The following GLIS1 variants were observed in gnomAD, a reference collection of about 807,000 sequenced individuals.
GLIS1 encodes zinc finger protein GLIS1.
A neutral mutation model predicts 63.8 loss-of-function variants in GLIS1; 24 were observed. The observed-to-expected ratio is 0.38, with a 90% CI of 0.27 to 0.53. The LOEUF (loss-of-function observed/expected upper bound fraction) is 0.53. Ranked by LOEUF, GLIS1 falls within the 20% of genes least tolerant of loss-of-function variation. The pLI, the probability that GLIS1 is intolerant of heterozygous loss-of-function variation, is 0.85. For synonymous variants in GLIS1, 450 were observed against 482.5 expected (o/e 0.93, Z 0.88); for missense variants, 1,036 against 1,074.1 (o/e 0.96, Z 0.50).
rs368400422 is a variant in GLIS1, at chr1:53,520,401, G to A, written c.1726+233C>T. On this transcript the variant is annotated intron_variant, in intron 7 of 10. Transcript: ENST00000628545. ...GTGAGGGCTTCATGCCCTGAGCAAT[G>A]GGGAGCCACAGAATAATGTGAAGGA... is the stretch of plus-strand genomic sequence containing the variant. Among the ~76,000 whole-genome samples the A allele has an allele frequency of 4.6e-5, 7 of 152,370 alleles. No homozygotes were observed. The South Asian group carries it at 1.4e-3, about 32-fold the overall frequency.
chr1:53,512,579 CAG>C (rs1264301593), intron 8 of GLIS1, among the ~76,000 whole-genome samples: 1 of 152,148 alleles, frequency 6.6e-6, no homozygotes, highest in African/African-American at 2.4e-5. Context: ...ACTCTCTTCT[CAG>C]GGGATGAAAA....
At chr1:53,695,618 T>C (rs1646457392) in intron 2 of GLIS1, among the ~76,000 whole-genome samples, 1 of 152,074 alleles carries the variant, frequency 6.6e-6, no homozygotes, top group Admixed American at 6.5e-5. Context: ...CCACCCTGTG[T>C]CCTGGGAGGC....
chr1:53,583,777 G>T (rs1232237094), intron 4 of GLIS1, among the ~76,000 whole-genome samples: 1 of 152,228 alleles, frequency 6.6e-6, no homozygotes, highest in East Asian at 1.9e-4. Flanking sequence ...ATCACTTACA[G>T]ACCACGGAGG....
chr1:53,594,322 C>G lies in GLIS1; in HGVS notation c.1106G>C (p.Arg369Pro). 1 of 1,611,806 alleles carries G rather than the reference C, an allele frequency of 6.2e-7. No homozygotes were observed. Among genetic ancestry groups the G allele is most frequent in the African/African-American group, 1.3e-5 (1 of 75,052 alleles). The stretch of plus-strand genomic sequence containing the variant: ...GCAGTCCACCCAGCGGCACGCCTGC[C>G]GCCCGGCCACCACCCTGCCTGCCAG... The part of the protein sequence containing the change: ...LGLAGRVVAG[R>P]QACRWVDCCA... The change falls in exon 4 of 11, where the codon CGG becomes CCG. Residue 369 changes from arginine (R) to proline (P), a missense_variant. Coordinates refer to ENST00000628545, the MANE Select transcript of GLIS1 (RefSeq NM_001367484.1).
chr1:53,664,913 G>A (rs1374836262), intron 2 of GLIS1, among the ~76,000 whole-genome samples: 2 of 152,176 alleles, frequency 1.3e-5, no homozygotes, highest in Non-Finnish European at 2.9e-5. Context: ...AGCACAGATG[G>A]TGTGTGAGGG....
At chr1:53,651,210 C>T (rs146884441) in intron 2 of GLIS1, among the ~76,000 whole-genome samples, 1,573 of 152,258 alleles carry the variant, frequency 0.01, 21 homozygotes, top group African/African-American at 0.036. Context: ...GTGGAGAGCC[C>T]GTAACTGGAG....
intron 4 of GLIS1, among the ~76,000 whole-genome samples, chr1:53,545,939 C>T (rs1256818373): frequency 1.3e-5 from 2 of 152,210 alleles, no homozygotes; most frequent in East Asian, 3.9e-4. Flanking sequence ...AAGGGCTTTC[C>T]TCTGGACTCA....
intron 2 of GLIS1, among the ~76,000 whole-genome samples, chr1:53,723,132 C>CA (rs915624261): frequency 1.4e-5 from 2 of 142,650 alleles, no homozygotes; most frequent in African/African-American, 5.2e-5. Context: ...GACTCTGTCT[C>CA]AAAAAAAATA....
At chr1:53,568,898 G>T (rs1203134722) in intron 4 of GLIS1, among the ~76,000 whole-genome samples, 2 of 152,176 alleles carry the variant, frequency 1.3e-5, no homozygotes, top group Non-Finnish European at 2.9e-5. Context: ...TTATAGCAGT[G>T]TGAGAACAGA....
Position 53,687,413 on chromosome 1 carries a change from A to T in GLIS1, c.259+50393T>A, listed in dbSNP as rs536484287. ...TACTCCCAGTCATTCCAAGGACAAC[A>T]TCTATCACCCGGTCCAACCAGCCCG... On this transcript the variant is annotated intron_variant, in intron 2 of 10. Transcript: ENST00000628545. 2.0e-5 allele frequency among the ~76,000 whole-genome samples: 3 copies of T among 152,270 alleles called. No homozygotes were observed. The East Asian group carries it at 5.8e-4, about 29-fold the overall frequency.
chr1:53,522,282 T>C (rs1644418382), intron 6 of GLIS1, among the ~76,000 whole-genome samples: 1 of 152,256 alleles, frequency 6.6e-6, no homozygotes. Flanking sequence ...AGATACATCA[T>C]CCCTGATGGC....
At chr1:53,663,120 T>C (rs1646047197) in intron 2 of GLIS1, among the ~76,000 whole-genome samples, 1 of 152,184 alleles carries the variant, frequency 6.6e-6, no homozygotes, top group African/African-American at 2.4e-5. Context: ...ACTAGCTCCA[T>C]GACCACTGCC....
chr1:53,647,064 G>A (rs75148570), intron 2 of GLIS1, among the ~76,000 whole-genome samples: 12 of 152,240 alleles, frequency 7.9e-5, no homozygotes, highest in African/African-American at 2.9e-4. Context: ...TGAGAGATAA[G>A]CCATATTCAT....
chr1:53,515,393 T>C (rs770779058), intron 7 of GLIS1, among the ~76,000 whole-genome samples: 5 of 152,014 alleles, frequency 3.3e-5, no homozygotes, highest in East Asian at 1.9e-4. Context: ...CAAAGAGAGA[T>C]GACTGCACTA....
At chr1:53,544,874 G>T (rs1644682079) in intron 4 of GLIS1, among the ~76,000 whole-genome samples, 1 of 152,176 alleles carries the variant, frequency 6.6e-6, no homozygotes, top group East Asian at 1.9e-4. Context: ...AAATGGCTGG[G>T]CTGGGCTGCG....
chr1:53,713,149 A>G (rs974181418), intron 2 of GLIS1, among the ~76,000 whole-genome samples: 1 of 152,026 alleles, frequency 6.6e-6, no homozygotes, highest in Admixed American at 6.5e-5. Flanking sequence ...ACATGGTGAG[A>G]CCTCATCTCT....
chr1:53,714,177 A>G (rs1310580476), intron 2 of GLIS1, among the ~76,000 whole-genome samples: 1 of 152,222 alleles, frequency 6.6e-6, no homozygotes, highest in Non-Finnish European at 1.5e-5. Context: ...AATCAGAGGA[A>G]CCACAAGCTC....
intron 10 of GLIS1, among the ~76,000 whole-genome samples, chr1:53,507,568 G>A (rs912118724): frequency 1.6e-4 from 25 of 152,162 alleles, no homozygotes; most frequent in Non-Finnish European, 3.4e-4. Context: ...TAAGACAGGC[G>A]AGCCTCAGTC....
Position 53,584,245 on chromosome 1 carries a change from A to G in GLIS1, c.1320+9863T>C, listed in dbSNP as rs1645112583. Among the ~76,000 whole-genome samples the G allele has an allele frequency of 3.3e-5, 5 of 152,082 alleles. No homozygotes were observed. The South Asian group carries it at 1.0e-3, about 32-fold the overall frequency. On this transcript the variant is annotated intron_variant, in intron 4 of 10. Transcript: ENST00000628545. Reference sequence around the variant, plus strand: ...TCGGGGCACAGTCCAATTTCCTTACACTAGACCTTGAGGCCCTTTGAGGCT... The same window carrying G: ...TCGGGGCACAGTCCAATTTCCTTACGCTAGACCTTGAGGCCCTTTGAGGCT...
Sources: allele counts gnomAD v4.1 joint callset (sites outside exome capture counted in the v4.1 genomes callset), GRCh38; gene constraint gnomAD v4.1.1; transcripts MANE v1.5; gene names NCBI Gene and HGNC (gene_info 2026-07-23, HGNC 2026-07-21).